The following HS6ST1 variants were observed in gnomAD, a reference collection of about 807,000 sequenced individuals.
The protein encoded by HS6ST1 is heparan sulfate 6-O-sulfotransferase 1.
Under a neutral mutation model 25.2 loss-of-function variants are expected in HS6ST1, and 3 were observed. The ratio of observed to expected loss-of-function variants is 0.12; its 90% CI spans 0.05 to 0.31. The LOEUF is 0.31. Among genes scored for constraint, HS6ST1 ranks in the 10% least tolerant of loss-of-function variants. The pLI is 1.00. For missense variants in HS6ST1, 310 were observed against 609.6 expected (o/e 0.51, Z 5.18); for synonymous variants, 204 against 275.1 (o/e 0.74, Z 2.56).
At chr2:128,317,505 AGGCAGGCG>A (rs1694390169) in intron 1 of HS6ST1, among the ~76,000 whole-genome samples, 2 of 152,218 alleles carry the variant, frequency 1.3e-5, no homozygotes, top group Non-Finnish European at 1.5e-5. Flanking sequence ...ACACACCGGC[AGGCAGGCG>A]GGCAGAGCCA....
In HS6ST1 at chr2:128,318,496, G is replaced by GCCA. The variant is rs1489738424; in HGVS notation, c.65_67dup (p.Val22dup). 1 of 1,544,680 alleles carries GCCA rather than the reference G, an allele frequency of 6.5e-7. No homozygotes were observed. Among genetic ancestry groups the GCCA allele is most frequent in the Non-Finnish European group, 8.7e-7 (1 of 1,149,322 alleles). ...GATGAGCATGAAGCACACCGAGCCC[G>GCCA]CCACCACCAGCACGAACTTGCTGGC... is the stretch of plus-strand genomic sequence containing the variant. On this transcript the variant is annotated inframe_insertion, in exon 1 of 2. Coordinates refer to ENST00000259241, the MANE Select transcript of HS6ST1 (RefSeq NM_004807.3). This position sits in a 1 kb window ranked among gnomAD's most constrained non-coding sequence, Gnocchi z 5.7.
At chr2:128,315,320 G>A (rs983880268) in intron 1 of HS6ST1, among the ~76,000 whole-genome samples, 4 of 152,200 alleles carry the variant, frequency 2.6e-5, no homozygotes, top group African/African-American at 7.2e-5. Flanking sequence ...GAGCAGCCCA[G>A]GCTGATACTG....
intron 1 of HS6ST1, among the ~76,000 whole-genome samples, chr2:128,286,786 A>C (rs982367812): frequency 2.0e-5 from 3 of 152,240 alleles, no homozygotes; most frequent in African/African-American, 7.2e-5. Flanking sequence ...TTTACAAACA[A>C]GGTCAGCAAA....
chr2:128,314,062 C>T lies in HS6ST1; in HGVS notation c.527+3975G>A, dbSNP rs550596563. Among the ~76,000 whole-genome samples the T allele has an allele frequency of 3.3e-5, 5 of 152,314 alleles. No individual in the cohort carries two copies. In the South Asian group the frequency reaches 1.0e-3, roughly 32 times the overall value. On this transcript the variant is annotated intron_variant, in intron 1 of 1. Transcript: ENST00000259241. ...AGGCAATGTAGGCACAGTGACACCC[C>T]CAGCCTGGTCCCCAGGTCCTGTTCA...
intron 1 of HS6ST1, among the ~76,000 whole-genome samples, chr2:128,303,207 CA>C (rs1187709967): frequency 1.3e-5 from 2 of 152,376 alleles, no homozygotes; most frequent in East Asian, 3.9e-4. Flanking sequence ...CCCCAAGATG[CA>C]GACCAAACAT....
At chr2:128,317,171 G>A (rs1694384032) in intron 1 of HS6ST1, among the ~76,000 whole-genome samples, 2 of 152,184 alleles carry the variant, frequency 1.3e-5, no homozygotes, top group African/African-American at 4.8e-5. Context: ...AGCACCCCAG[G>A]TTCCCCTACA....
At chr2:128,288,245 A>C (rs928665295) in intron 1 of HS6ST1, among the ~76,000 whole-genome samples, 1 of 151,874 alleles carries the variant, frequency 6.6e-6, no homozygotes, top group Non-Finnish European at 1.5e-5. Flanking sequence ...CACATCCACC[A>C]TGGCTGCTTG....
intron 1 of HS6ST1, among the ~76,000 whole-genome samples, chr2:128,286,266 G>A (rs1693858250): frequency 6.6e-6 from 1 of 152,206 alleles, no homozygotes. Context: ...CTCCCAGGGG[G>A]AATCTATCGT....
chr2:128,317,634 C>T (rs911835528), intron 1 of HS6ST1, among the ~76,000 whole-genome samples: 1 of 152,214 alleles, frequency 6.6e-6, no homozygotes, highest in African/African-American at 2.4e-5. Flanking sequence ...CGAAGCGGCA[C>T]GGGGAAGCCA....
At chr2:128,291,108 C>G (rs2104924396) in intron 1 of HS6ST1, among the ~76,000 whole-genome samples, 1 of 152,396 alleles carries the variant, frequency 6.6e-6, no homozygotes, top group East Asian at 1.9e-4. Flanking sequence ...TCCACTCTCT[C>G]TAAGGCAATT....
At position 128,268,748 on chromosome 2, in the gene HS6ST1, G is replaced by A. The variant is rs755290912; in HGVS notation, c.650C>T (p.Thr217Met). ...GTAGCAGGGCGGCAGCTCCTCAGGCGTGGGCGTGCGCCCATCACACATATG... is the reference window on the plus strand; with the variant it reads ...GTAGCAGGGCGGCAGCTCCTCAGGCATGGGCGTGCGCCCATCACACATATG... Reference protein sequence around the residue: ...SLHMCDGRTPTPEELPPCYEG... With the variant: ...SLHMCDGRTPMPEELPPCYEG... Residue 217 changes from threonine (T) to methionine (M), a missense_variant, in exon 2 of 2, where the codon ACG becomes ATG. Thr to Met is a moderately conservative substitution (Grantham distance 81). This residue lies in a region of HS6ST1 where 98 missense variants were observed against 270.3 expected (regional missense o/e 0.36). Transcript: ENST00000259241. 31 of 1,612,540 alleles carry A rather than the reference G, an allele frequency of 1.9e-5. No homozygotes were observed. Among genetic ancestry groups the A allele is most frequent in the African/African-American group, 2.7e-5 (2 of 74,930 alleles).
chr2:128,308,711 C>G (rs1694247373), intron 1 of HS6ST1, among the ~76,000 whole-genome samples: 1 of 152,236 alleles, frequency 6.6e-6, no homozygotes, highest in Admixed American at 6.5e-5. Flanking sequence ...GAGACCCCCA[C>G]AGCCAAAACA....
At chr2:128,276,668 G>T in intron 1 of HS6ST1, among the ~76,000 whole-genome samples, 1 of 152,278 alleles carries the variant, frequency 6.6e-6, no homozygotes, top group African/African-American at 2.4e-5. Flanking sequence ...TTTAAAGAAA[G>T]GAAGAAAGAC....
intron 1 of HS6ST1, among the ~76,000 whole-genome samples, chr2:128,292,673 G>A (rs1693974069): frequency 1.3e-5 from 2 of 152,214 alleles, no homozygotes; most frequent in East Asian, 3.9e-4. Context: ...GCAGTGCCCT[G>A]TGCAGTGGCT....
intron 1 of HS6ST1, among the ~76,000 whole-genome samples, 153 bp downstream of exon 1, chr2:128,317,884 G>C (rs1007128188): frequency 6.6e-6 from 1 of 152,216 alleles, no homozygotes; most frequent in East Asian, 1.9e-4. Flanking sequence ...AGCCTCGGGC[G>C]CTCGGCAGGT....
rs1404659093 is a variant in HS6ST1 at position 128,317,978 on chromosome 2, G to A, written c.527+59C>T. ...GGGCCGACCCAGTACAGCACGGCGG[G>A]CATACGGCCCGGCCTCGGGGGCGCA... On this transcript the variant is annotated intron_variant, in intron 1 of 1. Transcript: ENST00000259241. 2.2e-6 allele frequency: 3 copies of A among 1,392,050 alleles called. No homozygotes were observed. In the South Asian group the frequency reaches 5.0e-5, roughly 23 times the overall value. 86.2% of individuals were successfully genotyped at this position (1,392,050 alleles called of 1,614,324 possible).
In HS6ST1 at chr2:128,279,328, AC is replaced by A. The variant is rs200711572; in HGVS notation, c.528-10459del. On this transcript the variant is annotated intron_variant, in intron 1 of 1. Coordinates refer to ENST00000259241, the MANE Select transcript of HS6ST1 (RefSeq NM_004807.3). ...TGTCATTTAGAGTCAGAATGACAGA[AC>A]CTTTTTTTTTTTTTTTTTTTTTTAA... is the stretch of plus-strand genomic sequence containing the variant. Among the ~76,000 whole-genome samples, 6 of 134,350 alleles carry A rather than the reference AC, an allele frequency of 4.5e-5. 1 individual carries two copies. Among genetic ancestry groups the A allele is most frequent in the African/African-American group, 1.5e-4 (5 of 33,388 alleles). 88.1% of individuals were successfully genotyped at this position (134,350 alleles called of 152,430 possible). A position where few individuals can be genotyped will look rare whatever the true frequency, so the allele number is the denominator to read the frequency against.
chr2:128,267,308 G>C lies in HS6ST1; in HGVS notation c.*854C>G, dbSNP rs975372269. The C allele has an allele frequency of 6.6e-6, 1 of 152,166 alleles. No homozygotes were observed. The highest frequency in any genetic ancestry group is 1.9e-4 in the East Asian group (1 of 5,194). 9.4% of individuals were successfully genotyped at this position (152,166 alleles called of 1,614,324 possible). A position where few individuals can be genotyped will look rare whatever the true frequency, so the allele number is the denominator to read the frequency against. On this transcript the variant is annotated 3_prime_UTR_variant, in exon 2 of 2. Transcript: ENST00000259241. ...TCCCCAGCCCTTCCAGTCTGAGCCA[G>C]GCCTGCCTGGATGGTCACCTCCAAG...
intron 1 of HS6ST1, among the ~76,000 whole-genome samples, 157 bp downstream of exon 1, chr2:128,317,880 G>T (rs955728745): frequency 6.6e-6 from 1 of 152,208 alleles, no homozygotes; most frequent in East Asian, 1.9e-4. Context: ...TGGGAGCCTC[G>T]GGCGCTCGGC....
Sources: gnomAD v4.1 joint callset for allele counts (sites outside exome capture counted in the v4.1 genomes callset) on GRCh38, gnomAD v4.1.1 for gene constraint, gnomAD v4.1.1 regional missense constraint, Gnocchi (gnomAD v3.1) non-coding constraint, MANE v1.5 for transcripts, NCBI Gene and HGNC (gene_info 2026-07-23, HGNC 2026-07-21) for gene names.